GPR148: variants seen among roughly 807,000 people sequenced by gnomAD.
GPR148 encodes G protein-coupled receptor 148.
For missense variants in GPR148, 424 were observed against 435.3 expected, an observed-to-expected ratio of 0.97 and a Z score of 0.23; for synonymous variants, 173 against 187.9, an observed-to-expected ratio of 0.92 and a Z score of 0.65.
rs199627473 is a variant in GPR148 at position 130,729,417 on chromosome 2, C to T, written c.266C>T (p.Pro89Leu). 400 of 1,614,270 alleles carry T rather than the reference C, an allele frequency of 2.5e-4. 5 individuals carry two copies. In the South Asian group the frequency reaches 2.7e-3, roughly 11 times the overall value. Residue 89 changes from proline to leucine, a missense_variant, in exon 1 of 1, where the codon CCG becomes CTG. Physicochemically the swap from Pro to Leu is moderately conservative, Grantham distance 98. Transcript: ENST00000309926. ...RLRQEPHYLL[P>L]ANILLSDLAY... ...CGACAGGAGCCCCACTACCTGCTCC[C>T]GGCTAACATCCTGCTCTCAGACCTG...
chr2:130,730,286 A>G lies in GPR148; in HGVS notation c.*91A>G. 9.8e-7 allele frequency: 1 copy of G among 1,023,148 alleles called. No individual in the cohort carries two copies. The highest frequency in any genetic ancestry group is 1.4e-6 in the Non-Finnish European group (1 of 696,448). 63.4% of individuals were successfully genotyped at this position (1,023,148 alleles called of 1,614,324 possible). A position where few individuals can be genotyped will look rare whatever the true frequency, so the allele number is the denominator to read the frequency against. On this transcript the variant is annotated 3_prime_UTR_variant, in exon 1 of 1. Transcript: ENST00000309926. ...CTTATGACTAACTTCTTAGAACAGCACAATATAATAGTGGAATTGGGCCTT... is the reference window on the plus strand; with the variant it reads ...CTTATGACTAACTTCTTAGAACAGCGCAATATAATAGTGGAATTGGGCCTT...
At position 130,729,158 on chromosome 2, in the gene GPR148, G is replaced by A. The variant is rs1323265554; in HGVS notation, c.7G>A (p.Asp3Asn). 3 of 1,523,242 alleles carry A rather than the reference G, an allele frequency of 2.0e-6. No individual in the cohort carries two copies. The highest frequency in any genetic ancestry group is 2.0e-4 in the Middle Eastern group (1 of 5,124). The allele number at this position is 1,523,242 out of a possible 1,614,324, so 94.4% of individuals were successfully genotyped here. ...GCCATCCCTGCCAGGAAGCATGGGG[G>A]ATGAGCTGGCACCTTGCCCTGTGGG... MGDELAPCPVGTT... is the reference protein window; with the variant it reads MGNELAPCPVGTT... The change falls in exon 1 of 1, where the codon GAT becomes AAT. Residue 3 changes from aspartate to asparagine, a missense_variant. Coordinates refer to ENST00000309926, the MANE Select transcript of GPR148 (RefSeq NM_207364.2).
rs774159651 is a variant in GPR148, at chr2:130,729,809, A to T, written c.658A>T (p.Thr220Ser). 39 of 1,608,800 alleles carry T rather than the reference A, an allele frequency of 2.4e-5. No homozygotes were observed. Among genetic ancestry groups the T allele is most frequent in the Non-Finnish European group, 3.3e-5 (39 of 1,176,486 alleles). The change falls in exon 1 of 1, where the codon ACC becomes TCC. Residue 220 changes from threonine (T) to serine (S), a missense_variant. Physicochemically the swap from Thr to Ser is moderately conservative, Grantham distance 58. Coordinates refer to ENST00000309926, the MANE Select transcript of GPR148 (RefSeq NM_207364.2). Reference sequence around the variant, plus strand: ...GGGATGTGGCCTCCTGGTCATTGTTACCTACACCTCCATTCTGTGCGTTCT... The same window carrying T: ...GGGATGTGGCCTCCTGGTCATTGTTTCCTACACCTCCATTCTGTGCGTTCT... ...QPGCGLLVIVTYTSILCVLFL... is the reference protein window; with the variant it reads ...QPGCGLLVIVSYTSILCVLFL...
rs76471295 is a variant in GPR148, at chr2:130,729,448, C to T, written c.297C>T (p.Tyr99=). Residue 99 remains tyrosine (Y), a synonymous_variant, in exon 1 of 1, where the codon TAC becomes TAT. Coordinates refer to ENST00000309926, the MANE Select transcript of GPR148 (RefSeq NM_207364.2). ...PANILLSDLA[Y]ILLHMLISSS... is the part of the protein sequence containing the mutation. ...ACATCCTGCTCTCAGACCTGGCCTACATTCTCCTCCACATGCTCATCTCCT... is the reference window on the plus strand; with the variant it reads ...ACATCCTGCTCTCAGACCTGGCCTATATTCTCCTCCACATGCTCATCTCCT... The T allele has an allele frequency of 2.5e-3, 4,042 of 1,614,240 alleles. 12 individuals carry two copies. Among genetic ancestry groups the T allele is most frequent in the South Asian group, 3.0e-3 (276 of 91,088 alleles).
chr2:130,730,095 T>C lies in GPR148; in HGVS notation c.944T>C (p.Met315Thr), dbSNP rs1235807107. ...SEVLMMLPRAMLTYLYLLRYR... is the reference protein window; with the variant it reads ...SEVLMMLPRATLTYLYLLRYR... ...GTACTCATGATGCTTCCCCGTGCCA[T>C]GCTCACATACCTGTACCTGCTCCGC... is the stretch of plus-strand genomic sequence containing the variant. Residue 315 changes from methionine (M) to threonine (T), a missense_variant, in exon 1 of 1, where the codon ATG becomes ACG. By Grantham distance (81) the Met-to-Thr change is moderately conservative (BLOSUM62 -1). Transcript: ENST00000309926. 2.5e-6 allele frequency: 4 copies of C among 1,609,752 alleles called. No homozygotes were observed. In the South Asian group the frequency reaches 3.3e-5, roughly 13 times the overall value.
rs780072658 is a variant in GPR148 at position 130,729,219 on chromosome 2, G to A, written c.68G>A (p.Ser23Asn). Residue 23 changes from serine (S) to asparagine (N), a missense_variant, in exon 1 of 1, where the codon AGC becomes AAC. Coordinates refer to ENST00000309926, the MANE Select transcript of GPR148 (RefSeq NM_207364.2). ...TAWPALIQLISKTPCMPQAAS... is the reference protein window; with the variant it reads ...TAWPALIQLINKTPCMPQAAS... ...TGGCCGGCCCTGATCCAGCTCATCA[G>A]CAAGACACCCTGCATGCCCCAAGCA... The A allele has an allele frequency of 6.3e-7, 1 of 1,593,088 alleles. No individual in the cohort carries two copies. The highest frequency in any genetic ancestry group is 8.6e-7 in the Non-Finnish European group (1 of 1,167,858).
In GPR148 at chr2:130,729,288, G is replaced by A. The variant is rs1287864512; in HGVS notation, c.137G>A (p.Ser46Asn). 1.2e-6 allele frequency: 2 copies of A among 1,612,926 alleles called. No homozygotes were observed. Among genetic ancestry groups the A allele is most frequent in the Admixed American group, 3.3e-5 (2 of 59,962 alleles). ...GGCCTGGGGGACCTCAGGGTGCCCAGCTCCATGCTGTACTGGCTTTTCCTT... is the reference window on the plus strand; with the variant it reads ...GGCCTGGGGGACCTCAGGGTGCCCAACTCCATGCTGTACTGGCTTTTCCTT... Reference protein sequence around the residue: ...SLGLGDLRVPSSMLYWLFLPS... With the variant: ...SLGLGDLRVPNSMLYWLFLPS... The change falls in exon 1 of 1, where the codon AGC (serine) becomes AAC (asparagine). Residue 46 changes from serine to asparagine, a missense_variant. Coordinates refer to ENST00000309926, the MANE Select transcript of GPR148 (RefSeq NM_207364.2).
At position 130,729,924 on chromosome 2, in the gene GPR148, G is replaced by C; in HGVS notation, c.773G>C (p.Arg258Pro). 6.3e-7 allele frequency: 1 copy of C among 1,575,454 alleles called. No homozygotes were observed. The highest frequency in any genetic ancestry group is 1.3e-5 in the African/African-American group (1 of 74,280). The stretch of plus-strand genomic sequence containing the variant: ...GGCATCTGGGGGCAGGGCTATTCCC[G>C]GGCCAGGGGCACCCTGCTGATCCAC... ...TSGIWGQGYS[R>P]ARGTLLIHSV... Residue 258 changes from arginine to proline, a missense_variant, in exon 1 of 1, where the codon CGG (arginine) becomes CCG (proline). Physicochemically the swap from Arg to Pro is moderately radical, Grantham distance 103. Transcript: ENST00000309926.
rs765409673 is a variant in GPR148, at chr2:130,729,559, C to T, written c.408C>T (p.Ile136=). The change falls in exon 1 of 1, where the codon ATC becomes ATT. Residue 136 remains isoleucine (I), a synonymous_variant. Coordinates refer to ENST00000309926, the MANE Select transcript of GPR148 (RefSeq NM_207364.2). ...TCTTCGCCGCCTGCACCAGCACCATCCTGTCCTTCACCGCCATTGTGCTGC... is the reference window on the plus strand; with the variant it reads ...TCTTCGCCGCCTGCACCAGCACCATTCTGTCCTTCACCGCCATTGTGCTGC... ...DAVFAACTST[I]LSFTAIVLHT... The T allele has an allele frequency of 6.2e-7, 1 of 1,614,202 alleles. No homozygotes were observed. Among genetic ancestry groups the T allele is most frequent in the Non-Finnish European group, 8.5e-7 (1 of 1,180,034 alleles).
chr2:130,729,499 GGGCC>G, the GPR148 span: 2 of 1,614,218 alleles, frequency 1.2e-6, no homozygotes, highest in South Asian at 2.2e-5. Context: ...GCTGGGAGCT[GGGCC>G]GCATGGCCTG....
At position 130,729,372 on chromosome 2, in the gene GPR148, T is replaced by A. The variant is rs1242604180; in HGVS notation, c.221T>A (p.Ile74Asn). 1 of 1,614,192 alleles carries A rather than the reference T, an allele frequency of 6.2e-7. No individual in the cohort carries two copies. Reference sequence around the variant, plus strand: ...GTCAGCCCCCTGCTGCTGGTGACCATCCTGCGGAACCAACGGCTGCGACAG... The same window carrying A: ...GTCAGCCCCCTGCTGCTGGTGACCAACCTGCGGAACCAACGGCTGCGACAG... ...LAVSPLLLVT[I>N]LRNQRLRQEP... is the part of the protein sequence containing the mutation. Residue 74 changes from isoleucine (I) to asparagine (N), a missense_variant, in exon 1 of 1, where the codon ATC becomes AAC. Coordinates refer to ENST00000309926, the MANE Select transcript of GPR148 (RefSeq NM_207364.2).
At position 130,729,627 on chromosome 2, in the gene GPR148, T is replaced by C. The variant is rs79432147; in HGVS notation, c.476T>C (p.Phe159Ser). The change falls in exon 1 of 1, where the codon TTC becomes TCC. Residue 159 changes from phenylalanine to serine, a missense_variant. Transcript: ENST00000309926. ...ATCCATCCACTGCGCTACCTCTCCT[T>C]CATGTCCCATGGGGCTGCCTGGAAG... Reference protein sequence around the residue: ...AVIHPLRYLSFMSHGAAWKAV... With the variant: ...AVIHPLRYLSSMSHGAAWKAV... The C allele has an allele frequency of 3.1e-3, 4,936 of 1,614,200 alleles. 142 individuals are homozygous for C. The African/African-American group carries it at 0.057, about 19-fold the overall frequency.
rs1264323690 is a variant in GPR148, at chr2:130,730,197, G to A, written c.*2G>A. On this transcript the variant is annotated 3_prime_UTR_variant, in exon 1 of 1. Transcript: ENST00000309926. ...CAGGCCATCTTTACCATTTCCTAGA[G>A]TTCTTGAGTCCACAGTCTGGCAAGC... 3 of 1,604,470 alleles carry A rather than the reference G, an allele frequency of 1.9e-6. No individual in the cohort carries two copies. Among genetic ancestry groups the A allele is most frequent in the South Asian group, 2.2e-5 (2 of 89,664 alleles).
Position 130,729,568 on chromosome 2 carries a change from C to T in GPR148, c.417C>T (p.Phe139=), listed in dbSNP as rs1688444616. ...CCTGCACCAGCACCATCCTGTCCTT[C>T]ACCGCCATTGTGCTGCACACCTACC... is the stretch of plus-strand genomic sequence containing the variant. ...FAACTSTILS[F]TAIVLHTYLA... is the part of the protein sequence containing the mutation. Residue 139 remains phenylalanine, a synonymous_variant, in exon 1 of 1, where the codon TTC becomes TTT. Coordinates refer to ENST00000309926, the MANE Select transcript of GPR148 (RefSeq NM_207364.2). The T allele has an allele frequency of 6.2e-7, 1 of 1,614,192 alleles. No homozygotes were observed. The highest frequency in any genetic ancestry group is 8.5e-7 in the Non-Finnish European group (1 of 1,179,994).
In GPR148 at chr2:130,729,637, T is replaced by C. The variant is rs751621121; in HGVS notation, c.486T>C (p.His162=). 2 of 1,614,206 alleles carry C rather than the reference T, an allele frequency of 1.2e-6. No homozygotes were observed. The highest frequency in any genetic ancestry group is 1.7e-6 in the Non-Finnish European group (2 of 1,180,000). The change falls in exon 1 of 1, where the codon CAT becomes CAC. Residue 162 remains histidine (H), a synonymous_variant. Coordinates refer to ENST00000309926, the MANE Select transcript of GPR148 (RefSeq NM_207364.2). ...TGCGCTACCTCTCCTTCATGTCCCA[T>C]GGGGCTGCCTGGAAGGCAGTGGCCC... ...HPLRYLSFMS[H]GAAWKAVALI...
Position 130,729,681 on chromosome 2 carries a change from G to C in GPR148, c.530G>C (p.Cys177Ser). The C allele has an allele frequency of 6.2e-7, 1 of 1,614,266 alleles. No individual in the cohort carries two copies. Among genetic ancestry groups the C allele is most frequent in the South Asian group, 1.1e-5 (1 of 91,084 alleles). The change falls in exon 1 of 1, where the codon TGC (cysteine) becomes TCC (serine). Residue 177 changes from cysteine to serine, a missense_variant. Physicochemically the swap from Cys to Ser is moderately radical, Grantham distance 112 (BLOSUM62 -1). Coordinates refer to ENST00000309926, the MANE Select transcript of GPR148 (RefSeq NM_207364.2). Reference protein sequence around the residue: ...KAVALIWLVACCFPTFLIWLS... With the variant: ...KAVALIWLVASCFPTFLIWLS... ...GTGGCCCTCATCTGGCTGGTGGCCT[G>C]CTGCTTCCCCACATTCCTTATTTGG...
rs1375014835 is a variant in GPR148 at position 130,730,077 on chromosome 2, T to C, written c.926T>C (p.Met309Thr). The change falls in exon 1 of 1, where the codon ATG (methionine) becomes ACG (threonine). Residue 309 changes from methionine to threonine, a missense_variant. Met to Thr is a moderately conservative substitution (Grantham distance 81). Transcript: ENST00000309926. ...WLLAANSEVLMMLPRAMLTYL... is the reference protein window; with the variant it reads ...WLLAANSEVLTMLPRAMLTYL... The stretch of plus-strand genomic sequence containing the variant: ...CTGGCAGCTAACAGTGAGGTACTCA[T>C]GATGCTTCCCCGTGCCATGCTCACA... 2 of 1,605,836 alleles carry C rather than the reference T, an allele frequency of 1.2e-6. No homozygotes were observed. Among genetic ancestry groups the C allele is most frequent in the East Asian group, 2.2e-5 (1 of 44,746 alleles).
rs771723608 is a variant in GPR148, at chr2:130,730,076, A to T, written c.925A>T (p.Met309Leu). 3 of 1,605,390 alleles carry T rather than the reference A, an allele frequency of 1.9e-6. No homozygotes were observed. The African/African-American group carries it at 4.0e-5, about 21-fold the overall frequency. The change falls in exon 1 of 1, where the codon ATG becomes TTG. Residue 309 changes from methionine (M) to leucine (L), a missense_variant. Transcript: ENST00000309926. Reference protein sequence around the residue: ...WLLAANSEVLMMLPRAMLTYL... With the variant: ...WLLAANSEVLLMLPRAMLTYL... ...CCTGGCAGCTAACAGTGAGGTACTC[A>T]TGATGCTTCCCCGTGCCATGCTCAC...
At position 130,729,625 on chromosome 2, in the gene GPR148, C is replaced by T; in HGVS notation, c.474C>T (p.Ser158=). The T allele has an allele frequency of 6.2e-7, 1 of 1,614,236 alleles. No homozygotes were observed. The highest frequency in any genetic ancestry group is 8.5e-7 in the Non-Finnish European group (1 of 1,180,012). The change falls in exon 1 of 1, where the codon TCC becomes TCT. Residue 158 remains serine (S), a synonymous_variant. Transcript: ENST00000309926. The part of the protein sequence containing the change: ...LAVIHPLRYL[S]FMSHGAAWKA... Reference sequence around the variant, plus strand: ...TCATCCATCCACTGCGCTACCTCTCCTTCATGTCCCATGGGGCTGCCTGGA... The same window carrying T: ...TCATCCATCCACTGCGCTACCTCTCTTTCATGTCCCATGGGGCTGCCTGGA...
Sources: allele counts gnomAD v4.1 joint callset, GRCh38; gene constraint gnomAD v4.1.1; transcripts MANE v1.5; gene names NCBI Gene and HGNC (gene_info 2026-07-23, HGNC 2026-07-21).